Variants in AGBL4 observed in about 807,000 individuals in gnomAD.
AGBL4 encodes cytosolic carboxypeptidase 6.
In AGBL4, 58 loss-of-function variants were observed where a neutral mutation model predicts 66.4. The ratio of observed to expected loss-of-function variants is 0.87; its 90% confidence interval spans 0.71 to 1.09. The LOEUF is 1.09. Among genes scored for constraint, AGBL4 ranks in the 50% least tolerant of loss-of-function variants. AGBL4 has a pLI of 0.00. For synonymous variants in AGBL4, 234 were observed against 222.9 expected, an observed-to-expected ratio of 1.05 and a Z score of -0.44; for missense variants, 579 against 631.0, an observed-to-expected ratio of 0.92 and a Z score of 0.88.
chr1:49,811,625 T>C (rs1268604852), intron 2 of AGBL4, among the ~76,000 whole-genome samples: 1 of 152,122 alleles, frequency 6.6e-6, no homozygotes, highest in Non-Finnish European at 1.5e-5. Flanking sequence ...ACCATATTAT[T>C]AAAAATTTTT....
At chr1:49,755,209 T>A (rs557998290) in intron 2 of AGBL4, among the ~76,000 whole-genome samples, 2 of 152,202 alleles carry the variant, frequency 1.3e-5, no homozygotes, top group African/African-American at 4.8e-5. Flanking sequence ...TCAGCCAAGA[T>A]AACAGAAGAG....
At position 48,559,793 on chromosome 1, in the gene AGBL4, C is replaced by G. The variant is rs968734344; in HGVS notation, c.1268-20055G>C. Among the ~76,000 whole-genome samples the G allele has an allele frequency of 2.6e-5, 4 of 152,118 alleles. No individual in the cohort carries two copies. In the East Asian group the frequency reaches 7.7e-4, roughly 29 times the overall value. On this transcript the variant is annotated intron_variant, in intron 11 of 13. Transcript: ENST00000371839. ...CATTCCCCTTTCCCAGTCTCTGCCC[C>G]CTCCCCTACATTCCTGCTTCCTCTT...
intron 4 of AGBL4, among the ~76,000 whole-genome samples, chr1:49,201,615 T>C (rs1452281555): frequency 6.6e-6 from 1 of 152,172 alleles, no homozygotes. Flanking sequence ...TAAATTTTAT[T>C]TAAAATGCAA....
intron 1 of AGBL4, among the ~76,000 whole-genome samples, chr1:49,984,821 C>CTGAGACTCAGCA (rs1553156901): frequency 6.6e-6 from 1 of 152,126 alleles, no homozygotes; most frequent in Non-Finnish European, 1.5e-5. Flanking sequence ...ATAAATGAGT[C>CTGAGACTCAGCA]TGAGACTCAG....
At chr1:49,679,282 A>G (rs1272148438) in intron 3 of AGBL4, among the ~76,000 whole-genome samples, 2 of 152,122 alleles carry the variant, frequency 1.3e-5, no homozygotes, top group East Asian at 1.9e-4. Flanking sequence ...TTGTCATTAC[A>G]TGAAGTGCTT....
intron 6 of AGBL4, among the ~76,000 whole-genome samples, chr1:48,744,970 A>G (rs1650505686): frequency 6.8e-6 from 1 of 147,018 alleles, no homozygotes; most frequent in Non-Finnish European, 1.5e-5. Flanking sequence ...CTCCTTTGTG[A>G]GGCTTGATTG....
At chr1:49,358,096 G>A (rs1644057973) in intron 3 of AGBL4, among the ~76,000 whole-genome samples, 1 of 152,128 alleles carries the variant, frequency 6.6e-6, no homozygotes, top group Non-Finnish European at 1.5e-5. Context: ...TAATTCTGAT[G>A]AATGTATTAA....
At chr1:49,429,731 C>T (rs1405101271) in intron 3 of AGBL4, among the ~76,000 whole-genome samples, 1 of 152,100 alleles carries the variant, frequency 6.6e-6, no homozygotes, top group African/African-American at 2.4e-5. Context: ...AAAGTCCAAA[C>T]TCTTCAGTAT....
chr1:48,721,931 A>G (rs992143219), intron 6 of AGBL4, among the ~76,000 whole-genome samples: 1 of 152,216 alleles, frequency 6.6e-6, no homozygotes, highest in African/African-American at 2.4e-5. Context: ...GGTTTTGGGA[A>G]TACAGCAGTG....
intron 5 of AGBL4, among the ~76,000 whole-genome samples, chr1:49,003,639 C>G (rs557454159): frequency 6.6e-6 from 1 of 152,074 alleles, no homozygotes; most frequent in Non-Finnish European, 1.5e-5. Context: ...CCTTTCACAG[C>G]ATGGCTCTTC....
chr1:49,031,243 G>A (rs906672836), intron 5 of AGBL4, among the ~76,000 whole-genome samples: 5 of 151,746 alleles, frequency 3.3e-5, no homozygotes, highest in South Asian at 2.1e-4. Context: ...ACACAACACC[G>A]TGCCTGGCTA....
intron 9 of AGBL4, among the ~76,000 whole-genome samples, chr1:48,603,849 T>C (rs151011534): frequency 1.7e-4 from 26 of 152,302 alleles, no homozygotes; most frequent in Admixed American, 7.2e-4. Context: ...CTCATGCCTG[T>C]AATCCCAGCA....
At chr1:48,551,839 A>T (rs1644253133) in intron 11 of AGBL4, among the ~76,000 whole-genome samples, 1 of 151,962 alleles carries the variant, frequency 6.6e-6, no homozygotes, top group Non-Finnish European at 1.5e-5. Context: ...GACCAAGCAG[A>T]TGTGCAGCAG....
intron 7 of AGBL4, 28 bp downstream of exon 7, chr1:48,663,124 A>G: frequency 6.2e-7 from 1 of 1,609,424 alleles, no homozygotes; most frequent in Non-Finnish European, 8.5e-7. Context: ...ATGTGGGTAT[A>G]GGATACCTAT....
intron 5 of AGBL4, among the ~76,000 whole-genome samples, chr1:48,921,123 C>T (rs375259441): frequency 2.0e-5 from 3 of 152,026 alleles, no homozygotes; most frequent in South Asian, 2.1e-4. Flanking sequence ...CAATTTACAG[C>T]GAGATGACAG....
intron 5 of AGBL4, among the ~76,000 whole-genome samples, chr1:48,911,702 A>G (rs1653126744): frequency 6.6e-6 from 1 of 152,118 alleles, no homozygotes; most frequent in Non-Finnish European, 1.5e-5. Context: ...CAGATATTTA[A>G]CCCAACACCT....
At chr1:49,322,458 C>G (rs1468372993) in intron 3 of AGBL4, among the ~76,000 whole-genome samples, 1 of 152,120 alleles carries the variant, frequency 6.6e-6, no homozygotes. Flanking sequence ...TGTTCACATC[C>G]AAATCACTGG....
chr1:48,752,435 C>A (rs1651890581), intron 6 of AGBL4, among the ~76,000 whole-genome samples: 2 of 152,142 alleles, frequency 1.3e-5, no homozygotes, highest in South Asian at 4.1e-4. Context: ...TGGACAAATT[C>A]TATAAGCTAC....
At chr1:49,658,208 G>C (rs1353591420) in intron 3 of AGBL4, among the ~76,000 whole-genome samples, 1 of 152,110 alleles carries the variant, frequency 6.6e-6, no homozygotes, top group Non-Finnish European at 1.5e-5. Context: ...GATATGAACA[G>C]ACACTTCTCA....
Sources: allele counts gnomAD v4.1 joint callset (sites outside exome capture counted in the v4.1 genomes callset), GRCh38; gene constraint gnomAD v4.1.1; transcripts MANE v1.5; gene names NCBI Gene and HGNC (gene_info 2026-07-23, HGNC 2026-07-21).